Variants in NEDD4L observed in about 807,000 individuals in gnomAD.
The protein encoded by NEDD4L is E3 ubiquitin-protein ligase NEDD4-like.
A neutral mutation model predicts 148.9 loss-of-function variants in NEDD4L; 54 were observed. That is an observed-to-expected ratio of 0.36 (90% confidence interval 0.29 to 0.45). NEDD4L has a LOEUF of 0.45. Among genes scored for constraint, NEDD4L ranks in the 20% least tolerant of loss-of-function variants. The pLI is 1.00. For synonymous variants in NEDD4L, 433 were observed against 440.7 expected (o/e 0.98, Z 0.22); for missense variants, 856 against 1,233.8 (o/e 0.69, Z 4.59).
chr18:58,094,425 G>A (rs948713401), intron 1 of NEDD4L, among the ~76,000 whole-genome samples: 1 of 152,066 alleles, frequency 6.6e-6, no homozygotes, highest in Non-Finnish European at 1.5e-5. Flanking sequence ...GGGCTCAAGC[G>A]ATCTGCCCGC....
At chr18:58,379,354 C>T (rs141954774) in intron 24 of NEDD4L, among the ~76,000 whole-genome samples, 140 of 152,368 alleles carry the variant, frequency 9.2e-4, no homozygotes, top group African/African-American at 3.1e-3. Context: ...CCCTGTGTGA[C>T]GCTGCCCCGA....
chr18:58,262,279 C>T (rs2049503419), intron 5 of NEDD4L, among the ~76,000 whole-genome samples: 1 of 152,194 alleles, frequency 6.6e-6, no homozygotes, highest in Non-Finnish European at 1.5e-5. Flanking sequence ...AATCTTCGTT[C>T]ACCACATTCC....
At chr18:58,252,303 T>G (rs2048029553) in intron 5 of NEDD4L, among the ~76,000 whole-genome samples, 2 of 152,190 alleles carry the variant, frequency 1.3e-5, no homozygotes, top group African/African-American at 4.8e-5. Context: ...AAGCCACTGG[T>G]GATAGTACCA....
intron 2 of NEDD4L, among the ~76,000 whole-genome samples, chr18:58,198,719 A>G (rs1742673563): frequency 6.6e-6 from 1 of 152,254 alleles, no homozygotes; most frequent in Non-Finnish European, 1.5e-5. Context: ...CTAGGGAGTT[A>G]TTAAACCTAT....
intron 1 of NEDD4L, among the ~76,000 whole-genome samples, chr18:58,053,688 G>A (rs1197927497): frequency 6.6e-6 from 1 of 152,128 alleles, no homozygotes; most frequent in African/African-American, 2.4e-5. Flanking sequence ...GTGCAGTTTT[G>A]GATCATGTCT....
chr18:58,357,283 A>G (rs2044801907), intron 19 of NEDD4L, 31 bp downstream of exon 19: 5 of 1,593,454 alleles, frequency 3.1e-6, no homozygotes, highest in African/African-American at 2.7e-5. Flanking sequence ...CCTCTTCAGT[A>G]TAAGATTTTG....
chr18:58,252,097 T>G, intron 5 of NEDD4L, 43 bp downstream of exon 5: 1 of 1,273,164 alleles, frequency 7.9e-7, no homozygotes, highest in Non-Finnish European at 1.2e-6. Context: ...ATTTTTTTAT[T>G]AACTGGATTT....
At chr18:58,394,425 G>C (rs889554271) in intron 30 of NEDD4L, among the ~76,000 whole-genome samples, 4 of 152,202 alleles carry the variant, frequency 2.6e-5, no homozygotes, top group African/African-American at 9.7e-5. Context: ...GGGAAAAAAT[G>C]GTCACAGATT....
intron 16 of NEDD4L, among the ~76,000 whole-genome samples, chr18:58,346,222 T>A (rs1477519382): frequency 6.6e-6 from 1 of 152,202 alleles, no homozygotes; most frequent in African/African-American, 2.4e-5. Flanking sequence ...GGGTTGAGTA[T>A]CCCTAGTTTA....
intron 1 of NEDD4L, among the ~76,000 whole-genome samples, chr18:58,140,487 A>G (rs2033377770): frequency 6.6e-6 from 1 of 150,476 alleles, no homozygotes; most frequent in Non-Finnish European, 1.5e-5. Flanking sequence ...TTCTGAGTGG[A>G]GGATTAGCCC....
At chr18:58,255,493 T>C in intron 5 of NEDD4L, 1 of 1,230,742 alleles carries the variant, frequency 8.1e-7, no homozygotes, top group Non-Finnish European at 1.0e-6. Context: ...GGGTTATTTC[T>C]GCTATCTGTC....
intron 20 of NEDD4L, among the ~76,000 whole-genome samples, chr18:58,365,336 C>T (rs755646140): frequency 5.3e-5 from 8 of 151,560 alleles, no homozygotes; most frequent in Non-Finnish European, 1.0e-4. Flanking sequence ...ATGGCTCTCA[C>T]ATAGCAGTGT....
rs371240542 is a variant in NEDD4L at position 58,137,331 on chromosome 18, G to T, written c.49-28457G>T. Among the ~76,000 whole-genome samples the T allele has an allele frequency of 9.9e-5, 15 of 152,264 alleles. No individual in the cohort carries two copies. In the South Asian group the frequency reaches 3.1e-3, roughly 32 times the overall value. ...ATGAGTTCTGTGTGTTTTTCAGCAG[G>T]GCCTCATGGGCACCACTCGTAAGTC... On this transcript the variant is annotated intron_variant, in intron 1 of 30. Coordinates refer to ENST00000400345, the MANE Select transcript of NEDD4L (RefSeq NM_001144967.3).
chr18:58,349,942 A>G (rs1273640172), intron 17 of NEDD4L, among the ~76,000 whole-genome samples: 1 of 152,256 alleles, frequency 6.6e-6, no homozygotes, highest in Non-Finnish European at 1.5e-5. Flanking sequence ...ACTGAGTTTC[A>G]GTCATATTGC....
chr18:58,281,327 T>G (rs1433724957), intron 5 of NEDD4L, among the ~76,000 whole-genome samples: 1 of 150,388 alleles, frequency 6.6e-6, no homozygotes, highest in Non-Finnish European at 1.5e-5. Flanking sequence ...TTTTTTAAAC[T>G]GGAAAGGATA....
At chr18:58,055,763 C>T (rs936304657) in intron 1 of NEDD4L, among the ~76,000 whole-genome samples, 1 of 152,194 alleles carries the variant, frequency 6.6e-6, no homozygotes, top group Non-Finnish European at 1.5e-5. Context: ...ACTGTGGACA[C>T]TTAAAGTTTG....
intron 1 of NEDD4L, among the ~76,000 whole-genome samples, chr18:58,094,462 C>T (rs939278602): frequency 1.3e-5 from 2 of 151,984 alleles, no homozygotes; most frequent in African/African-American, 4.8e-5. Context: ...GTTGGGATTA[C>T]AGACGTGAGC....
At chr18:58,159,932 G>T (rs1188087948) in intron 1 of NEDD4L, among the ~76,000 whole-genome samples, 10 of 152,214 alleles carry the variant, frequency 6.6e-5, no homozygotes, top group Non-Finnish European at 1.5e-5. Flanking sequence ...GACAGCTGGT[G>T]TACGTGATCC....
At chr18:58,217,813 A>G (rs1233312144) in intron 2 of NEDD4L, among the ~76,000 whole-genome samples, 1 of 152,242 alleles carries the variant, frequency 6.6e-6, no homozygotes, top group African/African-American at 2.4e-5. Flanking sequence ...ATATTTATGT[A>G]TATGGAAATA....
Sources: allele counts gnomAD v4.1 joint callset (sites outside exome capture counted in the v4.1 genomes callset), GRCh38; gene constraint gnomAD v4.1.1; transcripts MANE v1.5; gene names NCBI Gene and HGNC (gene_info 2026-07-23, HGNC 2026-07-21).